The following HCN4 variants were observed in gnomAD, a reference collection of about 807,000 sequenced individuals.
HCN4 encodes hyperpolarization activated cyclic nucleotide gated potassium channel 4, also known as potassium/sodium hyperpolarization-activated cyclic nucleotide-gated channel 4.
In HCN4, 29 loss-of-function variants were observed where a neutral mutation model predicts 76.9. The ratio of observed to expected loss-of-function variants is 0.38; its 90% CI spans 0.28 to 0.51. The LOEUF (loss-of-function observed/expected upper bound fraction) is 0.51. Among genes scored for constraint, HCN4 ranks in the 20% least tolerant of loss-of-function variants. The pLI, the probability that HCN4 is intolerant of heterozygous loss-of-function variation, is 0.90. For synonymous variants in HCN4, 772 were observed against 762.5 expected (o/e 1.01, Z -0.21); for missense variants, 1,416 against 1,715.2 (o/e 0.83, Z 3.08).
intron 1 of HCN4, among the ~76,000 whole-genome samples, chr15:73,360,453 C>T (rs544058419): frequency 5.9e-5 from 9 of 152,308 alleles, no homozygotes; most frequent in Non-Finnish European, 8.8e-5. Context: ...GACACCTGAT[C>T]CATTTTCTGT....
chr15:73,368,873 G>A lies in HCN4; in HGVS notation c.-603C>T, dbSNP rs1365417684. On this transcript the variant is annotated 5_prime_UTR_variant, in exon 1 of 8. Coordinates refer to ENST00000261917, the MANE Select transcript of HCN4 (RefSeq NM_005477.3). This position sits in a 1 kb window ranked among gnomAD's most constrained non-coding sequence, Gnocchi z 6.9. ...CATCAGCGGCCGCCTCCCCCGAAGC[G>A]CCCTCCGGCAGCGCTCGGGCTCCCG... The A allele has an allele frequency of 6.6e-6, 1 of 152,164 alleles. No homozygotes were observed. The highest frequency in any genetic ancestry group is 1.5e-5 in the Non-Finnish European group (1 of 68,056). 9.4% of individuals were successfully genotyped at this position (152,164 alleles called of 1,614,324 possible). A position where few individuals can be genotyped will look rare whatever the true frequency, so the allele number is the denominator to read the frequency against.
chr15:73,357,828 G>A (rs969178275), intron 1 of HCN4, among the ~76,000 whole-genome samples: 2 of 151,978 alleles, frequency 1.3e-5, no homozygotes, highest in African/African-American at 4.8e-5. Flanking sequence ...GATCTTCCAC[G>A]TGTCCCTGGC....
At chr15:73,362,753 G>A (rs540534205) in intron 1 of HCN4, among the ~76,000 whole-genome samples, 3 of 152,166 alleles carry the variant, frequency 2.0e-5, no homozygotes, top group Non-Finnish European at 2.9e-5. Context: ...CAAAACCCTC[G>A]AAGCTCACAG....
At chr15:73,342,838 T>A (rs891318582) in intron 2 of HCN4, among the ~76,000 whole-genome samples, 1 of 149,324 alleles carries the variant, frequency 6.7e-6, no homozygotes, top group African/African-American at 2.4e-5. Flanking sequence ...CCTGGGCCCA[T>A]TCCCACTTGA....
At chr15:73,330,001 G>T (rs966598931) in intron 3 of HCN4, among the ~76,000 whole-genome samples, 1 of 152,218 alleles carries the variant, frequency 6.6e-6, no homozygotes, top group African/African-American at 2.4e-5. Context: ...CTTGCAATGG[G>T]GGCAGAGATC....
chr15:73,334,452 A>T (rs1349262385), intron 2 of HCN4, among the ~76,000 whole-genome samples: 2 of 152,060 alleles, frequency 1.3e-5, no homozygotes, highest in Non-Finnish European at 2.9e-5. Flanking sequence ...GCCGGGGGGA[A>T]GATCCCACTT....
intron 1 of HCN4, among the ~76,000 whole-genome samples, chr15:73,347,427 C>A (rs942182681): frequency 6.6e-6 from 1 of 152,086 alleles, no homozygotes; most frequent in African/African-American, 2.4e-5. Context: ...GTGGCCCCTG[C>A]CCCAGAGAAA....
In HCN4 at chr15:73,322,432, A is replaced by G; in HGVS notation, c.*49T>C. The G allele has an allele frequency of 5.7e-6, 8 of 1,411,458 alleles. No homozygotes were observed. The highest frequency in any genetic ancestry group is 7.8e-6 in the Non-Finnish European group (8 of 1,019,178). The allele number at this position is 1,411,458 out of a possible 1,614,324, so 87.4% of individuals were successfully genotyped here. ...CCTAATCACAGTTAAACCTGAAGGA[A>G]GAAGGAAGGGAGAGAAAAGAAGAAA... On this transcript the variant is annotated 3_prime_UTR_variant, in exon 8 of 8. Coordinates refer to ENST00000261917, the MANE Select transcript of HCN4 (RefSeq NM_005477.3).
At chr15:73,348,579 T>C (rs1595831003) in intron 1 of HCN4, among the ~76,000 whole-genome samples, 1 of 152,362 alleles carries the variant, frequency 6.6e-6, no homozygotes, top group East Asian at 1.9e-4. Flanking sequence ...AAGAATGTCA[T>C]TGTTTTGTCA....
chr15:73,330,390 G>A (rs1006902057), intron 3 of HCN4, among the ~76,000 whole-genome samples: 6 of 152,212 alleles, frequency 3.9e-5, no homozygotes, highest in African/African-American at 7.2e-5. Flanking sequence ...CAGACTCTCC[G>A]GAACACACAA....
chr15:73,359,131 A>G (rs2043093808), intron 1 of HCN4, among the ~76,000 whole-genome samples: 1 of 152,216 alleles, frequency 6.6e-6, no homozygotes, highest in African/African-American at 2.4e-5. Context: ...TCAGCAGCCA[A>G]TTATCAGGCC....
At chr15:73,348,100 A>C (rs2043037082) in intron 1 of HCN4, among the ~76,000 whole-genome samples, 1 of 152,216 alleles carries the variant, frequency 6.6e-6, no homozygotes, top group African/African-American at 2.4e-5. Flanking sequence ...CGATATCTGG[A>C]AATTTCATGT....
Position 73,322,575 on chromosome 15 carries a change from G to T in HCN4, c.3518C>A (p.Thr1173Asn). The change falls in exon 8 of 8, where the codon ACC becomes AAC. Residue 1173 changes from threonine to asparagine, a missense_variant. Coordinates refer to ENST00000261917, the MANE Select transcript of HCN4 (RefSeq NM_005477.3). ...PPLSLFGARATSSGGPPLTAG... is the reference protein window; with the variant it reads ...PPLSLFGARANSSGGPPLTAG... Reference sequence around the variant, plus strand: ...AGTCAGAGGGGGCCCCCCAGAAGAGGTGGCTCTTGCCCCAAACAAAGACAG... The same window carrying T: ...AGTCAGAGGGGGCCCCCCAGAAGAGTTGGCTCTTGCCCCAAACAAAGACAG... 6.2e-7 allele frequency: 1 copy of T among 1,609,602 alleles called. No individual in the cohort carries two copies. The highest frequency in any genetic ancestry group is 8.5e-7 in the Non-Finnish European group (1 of 1,178,284).
At chr15:73,341,655 A>C (rs959060759) in intron 2 of HCN4, among the ~76,000 whole-genome samples, 1 of 152,190 alleles carries the variant, frequency 6.6e-6, no homozygotes, top group Non-Finnish European at 1.5e-5. Flanking sequence ...GACAGCCCAC[A>C]CTATGTGCTG....
chr15:73,348,138 C>G (rs910381500), intron 1 of HCN4, among the ~76,000 whole-genome samples: 2 of 152,196 alleles, frequency 1.3e-5, no homozygotes, highest in Admixed American at 1.3e-4. Context: ...TTCATAGCCT[C>G]AAGGGAGCTG....
At chr15:73,340,313 G>C (rs1417012048) in intron 2 of HCN4, among the ~76,000 whole-genome samples, 1 of 152,182 alleles carries the variant, frequency 6.6e-6, no homozygotes, top group East Asian at 1.9e-4. Context: ...GGAGGAGTAA[G>C]GTCAGCCCCT....
At chr15:73,344,187 C>T (rs1412579166) in intron 1 of HCN4, among the ~76,000 whole-genome samples, 5 of 152,316 alleles carry the variant, frequency 3.3e-5, no homozygotes, top group Non-Finnish European at 2.9e-5. Flanking sequence ...CAGGCTCAGG[C>T]TAGGCTGCCC....
chr15:73,344,105 A>G (rs1182760146), intron 1 of HCN4, among the ~76,000 whole-genome samples: 1 of 152,276 alleles, frequency 6.6e-6, no homozygotes, highest in African/African-American at 2.4e-5. Flanking sequence ...CAGGCTGAAA[A>G]GCAAATCAGT....
Position 73,343,294 on chromosome 15 carries a change from C to G in HCN4, c.1209+91G>C. On this transcript the variant is annotated intron_variant, in intron 2 of 7. Transcript: ENST00000261917. This position sits in a 1 kb window ranked among gnomAD's most constrained non-coding sequence, Gnocchi z 5.7. ...GGTGTGCCTGCCACAATCTGACAGCCTATGTTCAATTATCTGAGGTTCCCT... is the reference window on the plus strand; with the variant it reads ...GGTGTGCCTGCCACAATCTGACAGCGTATGTTCAATTATCTGAGGTTCCCT... 3 of 1,273,342 alleles carry G rather than the reference C, an allele frequency of 2.4e-6. No homozygotes were observed. Among genetic ancestry groups the G allele is most frequent in the Non-Finnish European group, 3.4e-6 (3 of 889,382 alleles). 78.9% of individuals were successfully genotyped at this position (1,273,342 alleles called of 1,614,324 possible).
Sources: allele counts gnomAD v4.1 joint callset (sites outside exome capture counted in the v4.1 genomes callset), GRCh38; gene constraint gnomAD v4.1.1; non-coding constraint Gnocchi (gnomAD v3.1); transcripts MANE v1.5; gene names NCBI Gene and HGNC (gene_info 2026-07-23, HGNC 2026-07-21).